Variants in KITLG observed in about 807,000 individuals in gnomAD.
The protein encoded by KITLG is c-Kit ligand.
Under a neutral mutation model 34.1 loss-of-function variants are expected in KITLG, and 13 were observed. The observed-to-expected ratio is 0.38, with a 90% CI of 0.25 to 0.61. The LOEUF is 0.61. Among genes scored for constraint, KITLG ranks in the 20% least tolerant of loss-of-function variants. The pLI, the probability that KITLG is intolerant of heterozygous loss-of-function variation, is 0.60. For synonymous variants in KITLG, 110 were observed against 104.0 expected (o/e 1.06, Z -0.35); for missense variants, 292 against 318.9 (o/e 0.92, Z 0.64).
intron 8 of KITLG, among the ~76,000 whole-genome samples, chr12:88,505,907 C>T (rs149167414): frequency 4.9e-4 from 74 of 152,234 alleles, no homozygotes; most frequent in African/African-American, 1.7e-3. Context: ...GATAATGCTT[C>T]CTACTGAAAG....
intron 2 of KITLG, among the ~76,000 whole-genome samples, chr12:88,545,066 G>A (rs1322346118): frequency 6.6e-6 from 1 of 152,316 alleles, no homozygotes; most frequent in African/African-American, 2.4e-5. Flanking sequence ...GATCGTGACG[G>A]TTGGGAAGGA....
chr12:88,496,568 T>C lies in KITLG; in HGVS notation c.*651A>G, dbSNP rs1484165809. ...TGCATAAATGGAACCAGGCAACCAT[T>C]TGCATTTGTATAGTGGGATATGGGT... On this transcript the variant is annotated 3_prime_UTR_variant, in exon 10 of 10. Coordinates refer to ENST00000644744, the MANE Select transcript of KITLG (RefSeq NM_000899.5). 1 of 152,244 alleles carries C rather than the reference T, an allele frequency of 6.6e-6. No individual in the cohort carries two copies. The highest frequency in any genetic ancestry group is 2.4e-5 in the African/African-American group (1 of 41,430). 9.4% of individuals were successfully genotyped at this position (152,244 alleles called of 1,614,324 possible).
chr12:88,575,412 C>T (rs976661918), intron 1 of KITLG, among the ~76,000 whole-genome samples: 5 of 152,116 alleles, frequency 3.3e-5, no homozygotes, highest in Non-Finnish European at 5.9e-5. Flanking sequence ...ATGAGAAAAT[C>T]ACTCCCCCAC....
chr12:88,503,909 G>A (rs1451542635), intron 9 of KITLG, among the ~76,000 whole-genome samples: 1 of 152,134 alleles, frequency 6.6e-6, no homozygotes, highest in Non-Finnish European at 1.5e-5. Context: ...TCCTGAAAAT[G>A]GCAGGGAAAC....
At chr12:88,569,115 T>C (rs984529324) in intron 1 of KITLG, among the ~76,000 whole-genome samples, 6 of 152,158 alleles carry the variant, frequency 3.9e-5, no homozygotes, top group African/African-American at 1.4e-4. Context: ...TGATTCAAAA[T>C]GGGAATGACT....
chr12:88,545,356 A>G (rs3782176), intron 2 of KITLG, among the ~76,000 whole-genome samples: 121,559 of 152,144 alleles, frequency 0.8, 50,296 homozygotes, highest in Middle Eastern at 0.94. Context: ...CTTTCGTTAG[A>G]CTTTTTAAAG....
At chr12:88,524,541 C>T (rs547403627) in intron 3 of KITLG, among the ~76,000 whole-genome samples, 2 of 151,932 alleles carry the variant, frequency 1.3e-5, no homozygotes, top group African/African-American at 4.8e-5. Context: ...ATTTTGGATA[C>T]ATGGGGCTAA....
At chr12:88,549,305 A>G (rs1298644150) in intron 1 of KITLG, among the ~76,000 whole-genome samples, 2 of 152,214 alleles carry the variant, frequency 1.3e-5, no homozygotes, top group African/African-American at 4.8e-5. Context: ...GAATAAAAAT[A>G]AATTAATTAA....
intron 3 of KITLG, among the ~76,000 whole-genome samples, chr12:88,526,815 C>T (rs933125542): frequency 3.4e-5 from 5 of 148,446 alleles, no homozygotes; most frequent in South Asian, 4.2e-4. Flanking sequence ...GTAACGATAA[C>T]GATAAAGGAC....
intron 8 of KITLG, among the ~76,000 whole-genome samples, chr12:88,505,629 A>G (rs1373442733): frequency 6.6e-6 from 1 of 152,220 alleles, no homozygotes; most frequent in Non-Finnish European, 1.5e-5. Flanking sequence ...AGAGCCAGCT[A>G]CAGTGAATGG....
intron 1 of KITLG, among the ~76,000 whole-genome samples, chr12:88,574,171 A>G (rs1047847357): frequency 2.0e-5 from 3 of 151,562 alleles, no homozygotes; most frequent in African/African-American, 7.3e-5. Context: ...CATTATCTTC[A>G]TGGTTGTGGC....
chr12:88,541,992 G>T (rs1266237386), intron 2 of KITLG, among the ~76,000 whole-genome samples: 1 of 152,114 alleles, frequency 6.6e-6, no homozygotes, highest in African/African-American at 2.4e-5. Context: ...TGTGAGCACA[G>T]GCAAAAATGG....
intron 3 of KITLG, 78 bp downstream of exon 3, chr12:88,532,363 A>G: frequency 9.9e-7 from 1 of 1,005,992 alleles, no homozygotes; most frequent in Non-Finnish European, 1.5e-6. Context: ...AATAGCAGCT[A>G]GTGTACTATC....
At chr12:88,565,412 A>T (rs779594759) in intron 1 of KITLG, among the ~76,000 whole-genome samples, 1 of 152,168 alleles carries the variant, frequency 6.6e-6, no homozygotes, top group African/African-American at 2.4e-5. Context: ...AGATCACGAG[A>T]TCAAGAGATC....
At chr12:88,516,624 T>C (rs1209451261) in intron 4 of KITLG, 134 bp from the exon 5 acceptor site, 3 of 590,144 alleles carry the variant, frequency 5.1e-6, no homozygotes, top group Middle Eastern at 4.7e-4. Context: ...AGATGGCTGT[T>C]TTAACGTATG....
intron 2 of KITLG, among the ~76,000 whole-genome samples, chr12:88,540,684 G>C (rs1435835959): frequency 6.6e-6 from 1 of 152,072 alleles, no homozygotes; most frequent in African/African-American, 2.4e-5. Flanking sequence ...TATTATCCAA[G>C]TAGTTTATTC....
At chr12:88,503,316 TTAAGTC>T (rs1462487244) in intron 9 of KITLG, among the ~76,000 whole-genome samples, 2 of 152,156 alleles carry the variant, frequency 1.3e-5, no homozygotes, top group African/African-American at 2.4e-5. Flanking sequence ...CTGAAGAAGA[TTAAGTC>T]TAGAGACAAA....
chr12:88,504,660 T>C (rs1038309746), intron 9 of KITLG, among the ~76,000 whole-genome samples: 1 of 152,146 alleles, frequency 6.6e-6, no homozygotes, highest in Non-Finnish European at 1.5e-5. Context: ...TTTTACACTG[T>C]TGGTGGGACT....
chr12:88,542,442 T>C (rs1870549433), intron 2 of KITLG, among the ~76,000 whole-genome samples: 1 of 152,144 alleles, frequency 6.6e-6, no homozygotes, highest in African/African-American at 2.4e-5. Flanking sequence ...AGCCAGGTAA[T>C]AGTGGAGCTG....
Sources: allele counts gnomAD v4.1 joint callset (sites outside exome capture counted in the v4.1 genomes callset), GRCh38; gene constraint gnomAD v4.1.1; transcripts MANE v1.5; gene names NCBI Gene and HGNC (gene_info 2026-07-23, HGNC 2026-07-21).